MAGI2: variants seen among roughly 807,000 people sequenced by gnomAD.
MAGI2 encodes the protein membrane-associated guanylate kinase, WW and PDZ domain-containing protein 2.
Under a neutral mutation model 133.3 loss-of-function variants are expected in MAGI2, and 35 were observed. The ratio of observed to expected loss-of-function variants is 0.26; its 90% CI spans 0.20 to 0.35. The LOEUF (loss-of-function observed/expected upper bound fraction) is 0.35. Ranked by LOEUF, MAGI2 falls within the 10% of genes least tolerant of loss-of-function variation. MAGI2 has a pLI of 1.00. For missense variants in MAGI2, 1,636 were observed against 1,863.4 expected, an observed-to-expected ratio of 0.88 and a Z score of 2.25; for synonymous variants, 729 against 710.6, an observed-to-expected ratio of 1.03 and a Z score of -0.41.
chr7:78,360,482 A>G (rs1446385161), intron 7 of MAGI2, among the ~76,000 whole-genome samples: 3 of 152,264 alleles, frequency 2.0e-5, no homozygotes, highest in Non-Finnish European at 2.9e-5. Flanking sequence ...ACAGATTGTT[A>G]GCATGAGACA....
chr7:78,649,815 C>G (rs959273223), intron 2 of MAGI2, among the ~76,000 whole-genome samples: 2 of 152,036 alleles, frequency 1.3e-5, no homozygotes, highest in Non-Finnish European at 2.9e-5. Flanking sequence ...CCTCACTCGT[C>G]TGAACAGTCC....
At chr7:78,751,797 C>A (rs1489845845) in intron 2 of MAGI2, among the ~76,000 whole-genome samples, 1 of 152,218 alleles carries the variant, frequency 6.6e-6, no homozygotes, top group Non-Finnish European at 1.5e-5. Context: ...AAGGTAATGG[C>A]ACCAGGTAAG....
chr7:79,335,067 C>T (rs10441342), intron 1 of MAGI2, among the ~76,000 whole-genome samples: 2,444 of 152,166 alleles, frequency 0.016, 56 homozygotes, highest in African/African-American at 0.057. Flanking sequence ...CTTGGTGAAT[C>T]ATCTTTGTAA....
chr7:78,623,989 C>T (rs1808034806), intron 3 of MAGI2, among the ~76,000 whole-genome samples: 1 of 152,072 alleles, frequency 6.6e-6, no homozygotes, highest in Admixed American at 6.6e-5. Flanking sequence ...ACCTCACTAG[C>T]ATCTGTTGTT....
At chr7:79,326,659 CA>C (rs1839717766) in intron 1 of MAGI2, among the ~76,000 whole-genome samples, 1 of 15,236 alleles carries the variant, frequency 6.6e-5, no homozygotes, top group South Asian at 5.3e-3. Context: ...GTCAGTGATA[CA>C]TTTTTTTTTT....
intron 9 of MAGI2, among the ~76,000 whole-genome samples, chr7:78,306,010 A>G (rs1298071384): frequency 6.6e-6 from 1 of 152,190 alleles, no homozygotes; most frequent in Non-Finnish European, 1.5e-5. Flanking sequence ...GAAGGAAAAA[A>G]TTCACATTTT....
At chr7:79,431,405 T>G (rs1424505438) in intron 1 of MAGI2, among the ~76,000 whole-genome samples, 2 of 152,160 alleles carry the variant, frequency 1.3e-5, no homozygotes, top group Non-Finnish European at 2.9e-5. Context: ...ATAATAAACT[T>G]TTAAGTTCTC....
At chr7:78,607,096 G>A (rs1465489197) in intron 3 of MAGI2, among the ~76,000 whole-genome samples, 1 of 152,110 alleles carries the variant, frequency 6.6e-6, no homozygotes, top group Admixed American at 6.6e-5. Context: ...ATGTATGTCT[G>A]TTTATTATAC....
chr7:78,043,562 G>C (rs1811081357), intron 21 of MAGI2, among the ~76,000 whole-genome samples: 1 of 152,188 alleles, frequency 6.6e-6, no homozygotes, highest in Admixed American at 6.5e-5. Context: ...CTGGATTTGG[G>C]ATTCAGAGAG....
chr7:78,609,196 T>C (rs570382292), intron 3 of MAGI2, among the ~76,000 whole-genome samples: 138 of 152,310 alleles, frequency 9.1e-4, no homozygotes, highest in African/African-American at 3.2e-3. Context: ...GTTAATCTCC[T>C]TTGGCAACAC....
chr7:78,919,106 T>C (rs1799028361), intron 2 of MAGI2, among the ~76,000 whole-genome samples: 1 of 152,110 alleles, frequency 6.6e-6, no homozygotes, highest in Non-Finnish European at 1.5e-5. Context: ...CAACATTGCA[T>C]AGTGGAAGAG....
chr7:79,053,598 T>C (rs1812874973), intron 1 of MAGI2, among the ~76,000 whole-genome samples: 1 of 152,170 alleles, frequency 6.6e-6, no homozygotes, highest in South Asian at 2.1e-4. Context: ...TAATATGGAA[T>C]GTATCCTAAG....
intron 6 of MAGI2, among the ~76,000 whole-genome samples, chr7:78,458,157 G>T (rs187315628): frequency 6.6e-6 from 1 of 151,958 alleles, no homozygotes; most frequent in Non-Finnish European, 1.5e-5. Context: ...TTAGCTGCGC[G>T]TGGTGGCACA....
chr7:78,859,635 G>T (rs1349539813), intron 2 of MAGI2, among the ~76,000 whole-genome samples: 3 of 152,102 alleles, frequency 2.0e-5, no homozygotes, highest in Non-Finnish European at 2.9e-5. Flanking sequence ...GCTTCCCTTT[G>T]TGGGTAACCC....
intron 3 of MAGI2, among the ~76,000 whole-genome samples, chr7:78,574,470 A>G (rs1802058193): frequency 6.6e-6 from 1 of 152,236 alleles, no homozygotes; most frequent in South Asian, 2.1e-4. Context: ...GCAGAAATTA[A>G]ACACATGTGT....
intron 21 of MAGI2, chr7:78,078,675 A>G (rs1346436519): frequency 1.8e-6 from 1 of 562,988 alleles, no homozygotes; most frequent in Non-Finnish European, 3.1e-6. Context: ...GCACACTCAC[A>G]GATGCCCTGA....
intron 1 of MAGI2, among the ~76,000 whole-genome samples, chr7:79,382,713 AC>A (rs1478471490): frequency 6.6e-6 from 1 of 151,680 alleles, no homozygotes; most frequent in Non-Finnish European, 1.5e-5. Context: ...AAATAAATAT[AC>A]GTTGACAATA....
At chr7:78,848,502 T>C (rs1487564197) in intron 2 of MAGI2, among the ~76,000 whole-genome samples, 1 of 152,040 alleles carries the variant, frequency 6.6e-6, no homozygotes, top group Non-Finnish European at 1.5e-5. Context: ...TTAGATCATG[T>C]TGTTCTCTGA....
At chr7:78,134,992 C>T in intron 17 of MAGI2, 29 bp downstream of exon 17, 1 of 1,605,828 alleles carries the variant, frequency 6.2e-7, no homozygotes, top group South Asian at 1.1e-5. Context: ...TGTTGGCCGC[C>T]TCTCTGCAAG....
Sources: gnomAD v4.1 joint callset for allele counts (sites outside exome capture counted in the v4.1 genomes callset) on GRCh38, gnomAD v4.1.1 for gene constraint, MANE v1.5 for transcripts, NCBI Gene and HGNC (gene_info 2026-07-23, HGNC 2026-07-21) for gene names.